The following GAS7 variants were observed in gnomAD, a reference collection of about 807,000 sequenced individuals.
GAS7 encodes growth arrest-specific protein 7.
A neutral mutation model predicts 71.1 loss-of-function variants in GAS7; 28 were observed. The ratio of observed to expected loss-of-function variants is 0.39; its 90% CI spans 0.29 to 0.54. GAS7 has a LOEUF of 0.54. GAS7 is among the 20% of genes least tolerant of loss of function. The pLI, the probability that GAS7 is intolerant of heterozygous loss-of-function variation, is 0.62. For missense variants in GAS7, 436 were observed against 627.8 expected, an observed-to-expected ratio of 0.69 and a Z score of 3.27; for synonymous variants, 258 against 245.8, an observed-to-expected ratio of 1.05 and a Z score of -0.46.
chr17:10,091,827 A>G (rs2073585291), intron 1 of GAS7, among the ~76,000 whole-genome samples: 2 of 152,122 alleles, frequency 1.3e-5, no homozygotes, highest in Admixed American at 6.5e-5. Context: ...GACTGCAGGC[A>G]CATGCCACCA....
chr17:9,971,726 T>C (rs768377974), intron 3 of GAS7, among the ~76,000 whole-genome samples: 4 of 111,816 alleles, frequency 3.6e-5, no homozygotes, highest in Non-Finnish European at 7.9e-5. Flanking sequence ...ATATATACAA[T>C]GCAGGTCAGA....
At position 9,926,733 on chromosome 17, in the gene GAS7, G is replaced by C. The variant is rs1377806042; in HGVS notation, c.922C>G (p.Arg308Gly). The stretch of plus-strand genomic sequence containing the variant: ...TTCATGTCTTTCTTGAAGTTCTCAC[G>C]GAAGTTCATCAGGGGCTTCTCCACC... ...SEVEKPLMNF[R>G]ENFKKDMKKC... Residue 308 changes from arginine (R) to glycine (G), a missense_variant, in exon 10 of 14, where the codon CGT becomes GGT. Transcript: ENST00000432992. The surrounding 1 kb of genome is among the most constrained non-coding windows in gnomAD (Gnocchi z 5.0). 1.2e-6 allele frequency: 2 copies of C among 1,613,782 alleles called. No individual in the cohort carries two copies. Among genetic ancestry groups the C allele is most frequent in the Admixed American group, 3.3e-5 (2 of 60,016 alleles).
intron 2 of GAS7, among the ~76,000 whole-genome samples, chr17:9,997,458 T>C (rs572064562): frequency 3.9e-5 from 6 of 152,242 alleles, no homozygotes; most frequent in South Asian, 2.1e-4. Context: ...TCTGATAACA[T>C]AGGAAAAACT....
At position 10,152,531 on chromosome 17, in the gene GAS7, G is replaced by T. The variant is rs565054400; in HGVS notation, c.183+45677C>A. 2.6e-5 allele frequency among the ~76,000 whole-genome samples: 4 copies of T among 152,112 alleles called. No individual in the cohort carries two copies. In the South Asian group the frequency reaches 8.3e-4, roughly 32 times the overall value. On this transcript the variant is annotated intron_variant, in intron 1 of 13. Coordinates refer to ENST00000432992, the MANE Select transcript of GAS7 (RefSeq NM_201433.2). The stretch of plus-strand genomic sequence containing the variant: ...TGACAAAAGGAGACCCACCTAGACC[G>T]AGTGACTCATTCAAGGTCACACAGC...
chr17:10,133,403 G>A (rs963703773), intron 1 of GAS7, among the ~76,000 whole-genome samples: 17 of 152,016 alleles, frequency 1.1e-4, no homozygotes, highest in African/African-American at 2.9e-4. Flanking sequence ...GATTACAGGT[G>A]TGAGCCACTG....
intron 6 of GAS7, among the ~76,000 whole-genome samples, 184 bp from the exon 7 acceptor site, chr17:9,943,420 G>A (rs2068679349): frequency 6.6e-6 from 1 of 152,054 alleles, no homozygotes; most frequent in African/African-American, 2.4e-5. Flanking sequence ...TCCCAACAGC[G>A]CTTTCTGATG....
chr17:10,077,913 A>G (rs2073412514), intron 1 of GAS7, among the ~76,000 whole-genome samples: 1 of 152,200 alleles, frequency 6.6e-6, no homozygotes, highest in Non-Finnish European at 1.5e-5. Context: ...GATAAAGATG[A>G]CAACTATTTA....
chr17:10,010,099 T>C (rs971412481), intron 2 of GAS7, among the ~76,000 whole-genome samples: 34 of 152,222 alleles, frequency 2.2e-4, no homozygotes, highest in African/African-American at 7.2e-4. Flanking sequence ...CCCTTTACCA[T>C]GCAGGGACTT....
chr17:10,020,640 A>G (rs1231012454), intron 1 of GAS7, among the ~76,000 whole-genome samples: 1 of 152,074 alleles, frequency 6.6e-6, no homozygotes, highest in Non-Finnish European at 1.5e-5. Flanking sequence ...GGCCGGGCGC[A>G]GTGGCTCACG....
At chr17:10,125,645 T>A (rs2073939712) in intron 1 of GAS7, among the ~76,000 whole-genome samples, 1 of 149,388 alleles carries the variant, frequency 6.7e-6, no homozygotes, top group South Asian at 2.1e-4. Context: ...TAAAGGGTGA[T>A]GGGGAGATGA....
intron 1 of GAS7, among the ~76,000 whole-genome samples, chr17:10,128,266 T>C (rs1248415735): frequency 2.0e-5 from 3 of 152,214 alleles, no homozygotes; most frequent in African/African-American, 7.2e-5. Flanking sequence ...CCTAATCCCC[T>C]TCCTAAATCA....
At chr17:9,993,053 C>T (rs1201091153) in intron 2 of GAS7, among the ~76,000 whole-genome samples, 8 of 152,008 alleles carry the variant, frequency 5.3e-5, no homozygotes, top group East Asian at 3.9e-4. Context: ...TGAATAATGC[C>T]GCAATAAACA....
chr17:10,182,322 G>A (rs910868796), intron 1 of GAS7, among the ~76,000 whole-genome samples: 1 of 152,046 alleles, frequency 6.6e-6, no homozygotes, highest in Non-Finnish European at 1.5e-5. Flanking sequence ...ACCACGCTCG[G>A]CTAATTTTTG....
chr17:10,180,546 C>T (rs769841666), intron 1 of GAS7, among the ~76,000 whole-genome samples: 3 of 151,962 alleles, frequency 2.0e-5, no homozygotes, highest in Non-Finnish European at 2.9e-5. Context: ...CAAGGGAGGC[C>T]GATTTCTTCA....
intron 1 of GAS7, among the ~76,000 whole-genome samples, chr17:10,144,828 G>A (rs757074239): frequency 2.0e-5 from 3 of 152,178 alleles, no homozygotes; most frequent in African/African-American, 4.8e-5. Context: ...GATTACAGGC[G>A]TGAGCCACTG....
intron 5 of GAS7, among the ~76,000 whole-genome samples, chr17:9,953,957 A>G (rs1031174991): frequency 6.6e-6 from 1 of 152,180 alleles, no homozygotes; most frequent in African/African-American, 2.4e-5. Context: ...TTCCGTAAAT[A>G]AGTCACTGTA....
intron 2 of GAS7, among the ~76,000 whole-genome samples, chr17:10,000,188 AT>A (rs2071215202): frequency 6.6e-6 from 1 of 152,124 alleles, no homozygotes; most frequent in East Asian, 1.9e-4. Flanking sequence ...TAAAATGCAA[AT>A]TTCTGGGTCT....
At chr17:9,983,408 T>C (rs865992987) in intron 2 of GAS7, among the ~76,000 whole-genome samples, 1 of 152,166 alleles carries the variant, frequency 6.6e-6, no homozygotes, top group African/African-American at 2.4e-5. Context: ...GGAGGATTAC[T>C]GGAGCCTGGG....
At position 10,164,034 on chromosome 17, in the gene GAS7, C is replaced by T. The variant is rs554216065; in HGVS notation, c.183+34174G>A. Among the ~76,000 whole-genome samples the T allele has an allele frequency of 2.0e-5, 3 of 152,306 alleles. No individual in the cohort carries two copies. In the South Asian group the frequency reaches 6.2e-4, roughly 32 times the overall value. On this transcript the variant is annotated intron_variant, in intron 1 of 13. Coordinates refer to ENST00000432992, the MANE Select transcript of GAS7 (RefSeq NM_201433.2). ...CAGCTCAGATTTCTCAGTTTCTCAC[C>T]TTTGACTGCCCCTTACAGTCACCTG...
Sources: allele counts gnomAD v4.1 joint callset (sites outside exome capture counted in the v4.1 genomes callset), GRCh38; gene constraint gnomAD v4.1.1; non-coding constraint Gnocchi (gnomAD v3.1); transcripts MANE v1.5; gene names NCBI Gene and HGNC (gene_info 2026-07-23, HGNC 2026-07-21).